Variants in PADI2 observed in about 807,000 individuals in gnomAD.
PADI2 encodes the protein protein-arginine deiminase type-2.
In PADI2, 70 loss-of-function variants were observed where a neutral mutation model predicts 81.1. That is an observed-to-expected ratio of 0.86 (90% confidence interval 0.71 to 1.05). The LOEUF (loss-of-function observed/expected upper bound fraction) is 1.05, where lower values mean the gene tolerates loss of function less well. Ranked by LOEUF, PADI2 falls within the 50% of genes least tolerant of loss-of-function variation. PADI2 has a pLI of 0.00. For missense variants in PADI2, 853 were observed against 889.9 expected, an observed-to-expected ratio of 0.96 and a Z score of 0.53; for synonymous variants, 338 against 358.0, an observed-to-expected ratio of 0.94 and a Z score of 0.63.
chr1:17,074,246 G>C (rs1191605848), intron 13 of PADI2, among the ~76,000 whole-genome samples: 1 of 152,084 alleles, frequency 6.6e-6, no homozygotes, highest in Non-Finnish European at 1.5e-5. Context: ...AAAAAAATTA[G>C]CTGGGCATAG....
At position 17,092,406 on chromosome 1, in the gene PADI2, A is replaced by G; in HGVS notation, c.655+2T>C. ...AGGCTGGACTGGGCTGGGATCACTCACTCTCCACGTAGAACACGCCCACTT... is the reference window on the plus strand; with the variant it reads ...AGGCTGGACTGGGCTGGGATCACTCGCTCTCCACGTAGAACACGCCCACTT... On this transcript the variant is annotated splice_donor_variant, in intron 6 of 15. Coordinates refer to ENST00000375486, the MANE Select transcript of PADI2 (RefSeq NM_007365.3). LOFTEE classifies it high-confidence loss of function. 6.3e-7 allele frequency: 1 copy of G among 1,597,826 alleles called. No individual in the cohort carries two copies. Among genetic ancestry groups the G allele is most frequent in the South Asian group, 1.1e-5 (1 of 89,346 alleles).
intron 13 of PADI2, among the ~76,000 whole-genome samples, chr1:17,074,642 T>C (rs2295051): frequency 0.6 from 91,365 of 152,090 alleles, 27,847 homozygotes; most frequent in Middle Eastern, 0.7. Context: ...TAAGGAGCTG[T>C]GGGCAGCTCA....
Position 17,093,644 on chromosome 1 carries a change from A to T in PADI2, c.452T>A (p.Leu151Gln). The part of the protein sequence containing the change: ...TWGPEGQGAI[L>Q]LVNCDRETPW... ...TGTCTCTCGGTCACAGTTCACCAGCAGGATGGCCCCCTGGCCCTCGGGGCC... is the reference window on the plus strand; with the variant it reads ...TGTCTCTCGGTCACAGTTCACCAGCTGGATGGCCCCCTGGCCCTCGGGGCC... Residue 151 changes from leucine (L) to glutamine (Q), a missense_variant, in exon 5 of 16, where the codon CTG becomes CAG. By Grantham distance (113) the Leu-to-Gln change is moderately radical. Coordinates refer to ENST00000375486, the MANE Select transcript of PADI2 (RefSeq NM_007365.3). 2 of 1,614,034 alleles carry T rather than the reference A, an allele frequency of 1.2e-6. No individual in the cohort carries two copies. Among genetic ancestry groups the T allele is most frequent in the African/African-American group, 2.7e-5 (2 of 75,062 alleles).
At chr1:17,098,894 C>T (rs1420601759) in intron 3 of PADI2, among the ~76,000 whole-genome samples, 1 of 152,200 alleles carries the variant, frequency 6.6e-6, no homozygotes, top group African/African-American at 2.4e-5. Context: ...GTGACCTGCC[C>T]AGAGCATTGC....
chr1:17,070,055 A>G (rs757184345), intron 15 of PADI2, 33 bp downstream of exon 15: 32 of 1,607,584 alleles, frequency 2.0e-5, no homozygotes, highest in Non-Finnish European at 2.4e-5. Context: ...CTGTACTGGC[A>G]TGGGGCGAGG....
At chr1:17,094,945 G>A (rs540178204) in intron 4 of PADI2, among the ~76,000 whole-genome samples, 52 of 152,330 alleles carry the variant, frequency 3.4e-4, no homozygotes, top group African/African-American at 9.6e-4. Flanking sequence ...CACGATCCTA[G>A]AAGAAGGGAC....
At chr1:17,114,915 G>A (rs573718400) in intron 1 of PADI2, among the ~76,000 whole-genome samples, 10 of 152,300 alleles carry the variant, frequency 6.6e-5, no homozygotes, top group Admixed American at 1.3e-4. Flanking sequence ...TGTGTGCTGA[G>A]GAATTGCTAG....
At chr1:17,091,917 G>A (rs1039130000) in intron 6 of PADI2, among the ~76,000 whole-genome samples, 6 of 152,156 alleles carry the variant, frequency 3.9e-5, no homozygotes, top group East Asian at 3.9e-4. Flanking sequence ...AGGCAGAGCC[G>A]GCAGCTACGA....
At chr1:17,112,263 G>A (rs1445545732) in intron 1 of PADI2, among the ~76,000 whole-genome samples, 1 of 152,152 alleles carries the variant, frequency 6.6e-6, no homozygotes, top group Non-Finnish European at 1.5e-5. Context: ...CAAATGCTTT[G>A]TGGTCTCTAG....
intron 15 of PADI2, 72 bp from the exon 16 acceptor site, chr1:17,069,349 C>G: frequency 8.6e-7 from 1 of 1,161,868 alleles, no homozygotes; most frequent in Non-Finnish European, 1.3e-6. Context: ...CTATCCTAAG[C>G]TCATGGAACC....
intron 12 of PADI2, 168 bp downstream of exon 12, chr1:17,075,511 G>A (rs2078295483): frequency 1.8e-6 from 1 of 555,572 alleles, no homozygotes. Context: ...GGATTTATGG[G>A]GTTAAAATTT....
chr1:17,074,252 C>T (rs1252303341), intron 13 of PADI2, among the ~76,000 whole-genome samples: 1 of 151,980 alleles, frequency 6.6e-6, no homozygotes, highest in Middle Eastern at 3.4e-3. Flanking sequence ...ATTAGCTGGG[C>T]ATAGTGGTGC....
chr1:17,113,459 C>T (rs1931654773), intron 1 of PADI2, among the ~76,000 whole-genome samples: 1 of 152,114 alleles, frequency 6.6e-6, no homozygotes, highest in African/African-American at 2.4e-5. Context: ...GGGCAAGCAC[C>T]CGCTTCAAAT....
chr1:17,091,494 C>T (rs1297391892), intron 6 of PADI2, among the ~76,000 whole-genome samples: 1 of 152,102 alleles, frequency 6.6e-6, no homozygotes, highest in Non-Finnish European at 1.5e-5. Context: ...TGGCCCCTGG[C>T]CGAGCTGACT....
intron 1 of PADI2, among the ~76,000 whole-genome samples, chr1:17,105,403 G>T (rs1337929417): frequency 1.3e-5 from 2 of 151,836 alleles, no homozygotes; most frequent in African/African-American, 4.8e-5. Context: ...TTTTTTGTGT[G>T]TGTGTGTGTG....
intron 3 of PADI2, 93 bp from the exon 4 acceptor site, chr1:17,096,063 G>A (rs866337751): frequency 1.1e-6 from 1 of 917,546 alleles, no homozygotes; most frequent in Non-Finnish European, 1.7e-6. Context: ...GTGCGTCTCA[G>A]CCATTCATTT....
chr1:17,074,306 C>CG (rs2078285544), intron 13 of PADI2, among the ~76,000 whole-genome samples: 1 of 150,486 alleles, frequency 6.6e-6, no homozygotes, highest in Non-Finnish European at 1.5e-5. Flanking sequence ...GCAGGAGAAT[C>CG]GCTTGAACCT....
intron 13 of PADI2, among the ~76,000 whole-genome samples, chr1:17,072,404 G>T (rs2078270133): frequency 6.6e-6 from 1 of 152,206 alleles, no homozygotes; most frequent in South Asian, 2.1e-4. Flanking sequence ...TTCTAAAACT[G>T]ATCCAAGTTC....
intron 6 of PADI2, among the ~76,000 whole-genome samples, chr1:17,091,414 C>G (rs879836606): frequency 6.6e-6 from 1 of 151,870 alleles, no homozygotes; most frequent in Non-Finnish European, 1.5e-5. Flanking sequence ...TTATGACAGT[C>G]CCTTGCATAA....
Sources: gnomAD v4.1 joint callset for allele counts (sites outside exome capture counted in the v4.1 genomes callset) on GRCh38, gnomAD v4.1.1 for gene constraint, MANE v1.5 for transcripts, NCBI Gene and HGNC (gene_info 2026-07-23, HGNC 2026-07-21) for gene names.